SIN3B: variants seen among roughly 807,000 people sequenced by gnomAD.
The protein encoded by SIN3B is SIN3 transcription regulator family member B, also known as paired amphipathic helix protein Sin3b.
A neutral mutation model predicts 120.2 loss-of-function variants in SIN3B; 19 were observed. That is an observed-to-expected ratio of 0.16 (90% CI 0.11 to 0.23). The LOEUF (loss-of-function observed/expected upper bound fraction) is 0.23, where lower values mean the gene tolerates loss of function less well. Among genes scored for constraint, SIN3B ranks in the 10% least tolerant of loss-of-function variants. SIN3B has a pLI of 1.00. For missense variants in SIN3B, 1,073 were observed against 1,573.0 expected (o/e 0.68, Z 5.38); for synonymous variants, 654 against 653.2 (o/e 1.00, Z -0.02).
Position 16,869,551 on chromosome 19 carries a change from C to T in SIN3B, c.1898C>T (p.Ala633Val). The change falls in exon 13 of 19, where the codon GCA (alanine) becomes GTA (valine). Residue 633 changes from alanine to valine, a missense_variant. This residue lies in a region of SIN3B where 169 missense variants were observed against 207.3 expected (regional missense o/e 0.82). Transcript: ENST00000248054. ...VYEDRQILED[A>V]AALISYYVKR... is the part of the protein sequence containing the mutation. The stretch of plus-strand genomic sequence containing the variant: ...GAGGACCGGCAGATCCTGGAGGACG[C>T]AGCAGCGCTCATCAGCTACTACGTG... 6.2e-7 allele frequency: 1 copy of T among 1,613,890 alleles called. No individual in the cohort carries two copies. The highest frequency in any genetic ancestry group is 8.5e-7 in the Non-Finnish European group (1 of 1,180,030).
At chr19:16,856,261 G>A (rs1377553316) in intron 8 of SIN3B, among the ~76,000 whole-genome samples, 1 of 152,198 alleles carries the variant, frequency 6.6e-6, no homozygotes, top group East Asian at 1.9e-4. Flanking sequence ...GAGTAGGCGG[G>A]CCTGTGAGTG....
rs907678313 is a variant in SIN3B, at chr19:16,854,390, A to G, written c.1058+129A>G. On this transcript the variant is annotated intron_variant, in intron 8 of 18. Coordinates refer to ENST00000248054, the MANE Select transcript of SIN3B (RefSeq NM_001297595.2). ...AAAATCCTGTTTATTAATTGACGTG[A>G]TTGATATAATTATTGATTCCCATGC... 4.8e-6 allele frequency: 3 copies of G among 629,844 alleles called. No homozygotes were observed. In the Admixed American group the frequency reaches 8.9e-5, roughly 19 times the overall value. The allele number at this position is 629,844 out of a possible 1,614,324, so 39.0% of individuals were successfully genotyped here.
At chr19:16,858,576 G>A (rs1385111344) in intron 8 of SIN3B, among the ~76,000 whole-genome samples, 1 of 152,082 alleles carries the variant, frequency 6.6e-6, no homozygotes, top group East Asian at 1.9e-4. Context: ...TTTTAAAGGT[G>A]AGGGGCCAGG....
chr19:16,837,325 G>A (rs1971361015), intron 3 of SIN3B, among the ~76,000 whole-genome samples: 1 of 152,136 alleles, frequency 6.6e-6, no homozygotes. Flanking sequence ...CCAGGGAGGG[G>A]CCCCAAGTGA....
At chr19:16,839,391 C>T (rs1220775053) in intron 3 of SIN3B, among the ~76,000 whole-genome samples, 1 of 152,208 alleles carries the variant, frequency 6.6e-6, no homozygotes. Context: ...AACTGCCACA[C>T]TGTCCCTCGT....
In SIN3B at chr19:16,862,600, A is replaced by G. The variant is rs1369829690; in HGVS notation, c.1266+41A>G. ...GCTCAAATGTTCGTTGACATGGTGC[A>G]TCCCCCACCCCTCCCCAGCAAACAC... is the stretch of plus-strand genomic sequence containing the variant. On this transcript the variant is annotated intron_variant, in intron 9 of 18. Transcript: ENST00000248054. This position sits in a 1 kb window ranked among gnomAD's most constrained non-coding sequence, Gnocchi z 4.7. 5.2e-6 allele frequency: 8 copies of G among 1,538,252 alleles called. No individual in the cohort carries two copies. The highest frequency in any genetic ancestry group is 2.3e-5 in the South Asian group (2 of 88,806).
intron 12 of SIN3B, among the ~76,000 whole-genome samples, chr19:16,868,967 C>T (rs1300965406): frequency 6.6e-6 from 1 of 152,140 alleles, no homozygotes; most frequent in African/African-American, 2.4e-5. Flanking sequence ...AGAGAGGTCA[C>T]GGCTCACCCT....
chr19:16,871,105 G>A, intron 13 of SIN3B, 124 bp from the exon 14 acceptor site: 2 of 1,171,708 alleles, frequency 1.7e-6, no homozygotes, highest in East Asian at 2.4e-5. Flanking sequence ...TTGCCCCAGG[G>A]GTGGCAGGTG....
Position 16,866,682 on chromosome 19 carries a change from T to C in SIN3B, c.1806+126T>C, listed in dbSNP as rs376218750. On this transcript the variant is annotated intron_variant, in intron 12 of 18. Transcript: ENST00000248054. Reference sequence around the variant, plus strand: ...TGGCATTGCCCTTTCAGGGCTGTGTTGAGGCGAGGGTTCATGTCTCTGTGA... The same window carrying C: ...TGGCATTGCCCTTTCAGGGCTGTGTCGAGGCGAGGGTTCATGTCTCTGTGA... 5.8e-5 allele frequency: 53 copies of C among 907,706 alleles called. 1 individual carries two copies. The Middle Eastern group carries it at 8.0e-4, about 14-fold the overall frequency. 56.2% of individuals were successfully genotyped at this position (907,706 alleles called of 1,614,324 possible).
Position 16,876,616 on chromosome 19 carries a change from G to C in SIN3B, c.2859+38G>C. The C allele has an allele frequency of 6.5e-7, 1 of 1,549,294 alleles. No homozygotes were observed. Among genetic ancestry groups the C allele is most frequent in the South Asian group, 1.1e-5 (1 of 88,844 alleles). Reference sequence around the variant, plus strand: ...CCCCAGTCTGTGCCACGCATACCAGGGAGCGCCTGAGGGCAGCAGCATGGG... The same window carrying C: ...CCCCAGTCTGTGCCACGCATACCAGCGAGCGCCTGAGGGCAGCAGCATGGG... On this transcript the variant is annotated intron_variant, in intron 16 of 18. Coordinates refer to ENST00000248054, the MANE Select transcript of SIN3B (RefSeq NM_001297595.2). The surrounding 1 kb of genome is among the most constrained non-coding windows in gnomAD (Gnocchi z 7.1).
chr19:16,858,877 G>A (rs1387672397), intron 8 of SIN3B, among the ~76,000 whole-genome samples: 1 of 152,178 alleles, frequency 6.6e-6, no homozygotes, highest in African/African-American at 2.4e-5. Context: ...TTGAACCCAG[G>A]AAGCAGAGGT....
At chr19:16,832,348 C>T (rs923345906) in intron 3 of SIN3B, among the ~76,000 whole-genome samples, 12 of 151,838 alleles carry the variant, frequency 7.9e-5, no homozygotes, top group Non-Finnish European at 1.8e-4. Context: ...CAGGTGTGCA[C>T]CACCATGCTT....
intron 3 of SIN3B, among the ~76,000 whole-genome samples, chr19:16,836,918 C>T (rs1025952285): frequency 2.0e-5 from 3 of 152,168 alleles, no homozygotes; most frequent in Non-Finnish European, 2.9e-5. Context: ...ATGGAGCAGG[C>T]GGTGACCCCT....
chr19:16,832,016 G>A (rs777492812), intron 3 of SIN3B, among the ~76,000 whole-genome samples: 2 of 152,042 alleles, frequency 1.3e-5, no homozygotes, highest in Non-Finnish European at 2.9e-5. Flanking sequence ...GCATGTCCTC[G>A]TCTGCCTCTG....
At chr19:16,869,207 C>G (rs78908009) in intron 12 of SIN3B, among the ~76,000 whole-genome samples, 3,636 of 152,232 alleles carry the variant, frequency 0.024, 147 homozygotes, top group African/African-American at 0.084. Context: ...GCTCCTTTGT[C>G]TGGGGTCCCG....
At chr19:16,829,622 G>T in intron 1 of SIN3B, 82 bp downstream of exon 1, 1 of 1,189,034 alleles carries the variant, frequency 8.4e-7, no homozygotes, top group Non-Finnish European at 1.1e-6. Flanking sequence ...GCCCCGCCCG[G>T]CCCCAGCCCC....
rs1190654927 is a variant in SIN3B, at chr19:16,879,525, T to C, written c.*798T>C. ...TCCTGCAGTGGGCACCCTAGGCGTA[T>C]GTGTATACACGCACAGATATTTATT... On this transcript the variant is annotated 3_prime_UTR_variant, in exon 19 of 19. Coordinates refer to ENST00000248054, the MANE Select transcript of SIN3B (RefSeq NM_001297595.2). The C allele has an allele frequency of 1.3e-5, 2 of 152,276 alleles. No individual in the cohort carries two copies. The highest frequency in any genetic ancestry group is 2.9e-5 in the Non-Finnish European group (2 of 68,084). The allele number at this position is 152,276 out of a possible 1,614,324, so 9.4% of individuals were successfully genotyped here.
At chr19:16,835,962 T>G (rs1971343625) in intron 3 of SIN3B, among the ~76,000 whole-genome samples, 2 of 152,130 alleles carry the variant, frequency 1.3e-5, no homozygotes, top group African/African-American at 4.8e-5. Flanking sequence ...TTGCTTAGTT[T>G]TTCTAGTTTG....
At chr19:16,834,186 C>G (rs1017549575) in intron 3 of SIN3B, among the ~76,000 whole-genome samples, 1 of 152,120 alleles carries the variant, frequency 6.6e-6, no homozygotes, top group East Asian at 1.9e-4. Flanking sequence ...GTCACGACTG[C>G]GGGAGAAAGC....
Sources: allele counts gnomAD v4.1 joint callset (sites outside exome capture counted in the v4.1 genomes callset), GRCh38; gene constraint gnomAD v4.1.1; regional missense constraint gnomAD v4.1.1; non-coding constraint Gnocchi (gnomAD v3.1); transcripts MANE v1.5; gene names NCBI Gene and HGNC (gene_info 2026-07-23, HGNC 2026-07-21).